GTPBP4: variants seen among roughly 807,000 people sequenced by gnomAD.
The protein encoded by GTPBP4 is GTP binding protein 4.
A neutral mutation model predicts 81.7 loss-of-function variants in GTPBP4; 15 were observed. That is an observed-to-expected ratio of 0.18 (90% CI 0.12 to 0.28). The LOEUF is 0.28. GTPBP4 is among the 10% of genes least tolerant of loss of function. The pLI is 1.00. For synonymous variants in GTPBP4, 272 were observed against 274.6 expected (o/e 0.99, Z 0.09); for missense variants, 847 against 793.8 (o/e 1.07, Z -0.81).
chr10:989,719 C>T (rs1831408505), intron 1 of GTPBP4, among the ~76,000 whole-genome samples: 1 of 152,198 alleles, frequency 6.6e-6, no homozygotes. Flanking sequence ...TGTTCTGGCA[C>T]ATCTCTTGAT....
chr10:1,006,021 C>T (rs1276963358), intron 9 of GTPBP4, 114 bp downstream of exon 9: 4 of 639,786 alleles, frequency 6.3e-6, no homozygotes, highest in Admixed American at 3.0e-5. Flanking sequence ...TTGGAGCCCT[C>T]GCAGTAGCGA....
At chr10:1,001,523 A>G (rs1469240970) in intron 8 of GTPBP4, among the ~76,000 whole-genome samples, 1 of 152,184 alleles carries the variant, frequency 6.6e-6, no homozygotes, top group Non-Finnish European at 1.5e-5. Flanking sequence ...TTTAATAGGC[A>G]TCCTTCATGA....
chr10:998,956 G>A, intron 5 of GTPBP4, 47 bp from the exon 6 acceptor site: 1 of 1,009,978 alleles, frequency 9.9e-7, no homozygotes, highest in Non-Finnish European at 1.6e-6. Flanking sequence ...GATCCCACGT[G>A]TACACAGAGG....
At chr10:1,001,934 T>A (rs1364370590) in intron 8 of GTPBP4, among the ~76,000 whole-genome samples, 1 of 151,524 alleles carries the variant, frequency 6.6e-6, no homozygotes, top group African/African-American at 2.4e-5. Context: ...TATTTTTGTT[T>A]TTTTTTTGAG....
At chr10:1,006,492 G>T (rs1831736698) in intron 9 of GTPBP4, among the ~76,000 whole-genome samples, 1 of 152,186 alleles carries the variant, frequency 6.6e-6, no homozygotes, top group Non-Finnish European at 1.5e-5. Context: ...TACAAAATTA[G>T]CCGGGCGTGG....
intron 10 of GTPBP4, chr10:1,008,208 T>G (rs1589029204): frequency 2.3e-6 from 1 of 444,430 alleles, no homozygotes; most frequent in East Asian, 7.0e-5. Context: ...AGGTCAAGAG[T>G]CTGAGACCAG....
At chr10:995,166 C>T (rs546057218) in intron 2 of GTPBP4, among the ~76,000 whole-genome samples, 4 of 152,050 alleles carry the variant, frequency 2.6e-5, no homozygotes, top group Admixed American at 6.6e-5. Context: ...AAAATGTAGA[C>T]GACATTTAAA....
chr10:1,007,363 A>G (rs1023844752), intron 10 of GTPBP4: 3 of 406,450 alleles, frequency 7.4e-6, no homozygotes, highest in Non-Finnish European at 1.3e-5. Context: ...TTATCCTTCC[A>G]GAAATGTTTC....
intron 15 of GTPBP4, among the ~76,000 whole-genome samples, chr10:1,015,221 T>C (rs1041830440): frequency 6.6e-5 from 10 of 152,262 alleles, no homozygotes; most frequent in African/African-American, 2.4e-4. Context: ...AAATTGTTAC[T>C]AATGTGAACT....
chr10:1,009,899 G>A (rs545594890), intron 12 of GTPBP4, among the ~76,000 whole-genome samples: 1 of 152,224 alleles, frequency 6.6e-6, no homozygotes, highest in Non-Finnish European at 1.5e-5. Context: ...GGAGGCTGAG[G>A]TGGGAGGATC....
rs888788575 is a variant in GTPBP4, at chr10:1,014,195, C to T, written c.1543-52C>T. ...ATATATATTGCCTTGAAGTTTTTTT[C>T]AACATTTCATCAAACTAATTTAAAG... On this transcript the variant is annotated intron_variant, in intron 14 of 16. Transcript: ENST00000360803. The T allele has an allele frequency of 3.4e-6, 4 of 1,176,704 alleles. No homozygotes were observed. In the South Asian group the frequency reaches 5.0e-5, roughly 15 times the overall value. The allele number at this position is 1,176,704 out of a possible 1,614,324, so 72.9% of individuals were successfully genotyped here.
chr10:989,478 T>G (rs1564464181), intron 1 of GTPBP4, among the ~76,000 whole-genome samples: 1 of 152,188 alleles, frequency 6.6e-6, no homozygotes. Context: ...GGGTCGCAAT[T>G]ACACAGACAT....
intron 8 of GTPBP4, among the ~76,000 whole-genome samples, chr10:1,003,719 C>T (rs372976330): frequency 9.1e-4 from 139 of 152,128 alleles, no homozygotes; most frequent in Non-Finnish European, 1.3e-3. Flanking sequence ...TTTGTGCCAG[C>T]GGTGGTGTAT....
Position 1,017,380 on chromosome 10 carries a change from A to T in GTPBP4, c.*153A>T. 1 of 639,478 alleles carries T rather than the reference A, an allele frequency of 1.6e-6. No individual in the cohort carries two copies. The highest frequency in any genetic ancestry group is 2.6e-6 in the Non-Finnish European group (1 of 389,056). The allele number at this position is 639,478 out of a possible 1,614,324, so 39.6% of individuals were successfully genotyped here. On this transcript the variant is annotated 3_prime_UTR_variant, in exon 17 of 17. Transcript: ENST00000360803. ...TTTGCTGAAAACTATGGTTAACCCT[A>T]TATAGGTGTGGGAAATTTTTGTCAC...
Position 1,007,001 on chromosome 10 carries a change from C to T in GTPBP4, c.1003-17C>T, listed in dbSNP as rs1831750421. 1.3e-6 allele frequency: 2 copies of T among 1,540,868 alleles called. No homozygotes were observed. The highest frequency in any genetic ancestry group is 1.8e-6 in the Non-Finnish European group (2 of 1,113,324). On this transcript the variant is annotated splice_polypyrimidine_tract_variant and intron_variant, in intron 9 of 16. Transcript: ENST00000360803. ...GAGGATGCGTTTGTGACTGTGCCTT[C>T]TTTTTTACGTTATTAGGCTTGCGAT...
chr10:997,356 C>A, intron 5 of GTPBP4, 48 bp downstream of exon 5: 1 of 1,006,304 alleles, frequency 9.9e-7, no homozygotes, highest in Non-Finnish European at 1.6e-6. Flanking sequence ...TATTTTACGT[C>A]AGTGTTACTG....
In GTPBP4 at chr10:992,500, C is replaced by T. The variant is rs61731091; in HGVS notation, c.60C>T (p.Asp20=). 1 of 1,593,870 alleles carries T rather than the reference C, an allele frequency of 6.3e-7. No individual in the cohort carries two copies. The highest frequency in any genetic ancestry group is 1.1e-5 in the South Asian group (1 of 90,390). ...TTCTTTAATTGCAGGACTTCATAGA[C>T]CTCACGTTGTCGAAGACTCAACGAA... The part of the protein sequence containing the change: ...TVVPSAKDFI[D]LTLSKTQRKT... The change falls in exon 2 of 17, where the codon GAC becomes GAT. Residue 20 remains aspartate (D), a synonymous_variant. Coordinates refer to ENST00000360803, the MANE Select transcript of GTPBP4 (RefSeq NM_012341.3).
rs1250344234 is a variant in GTPBP4, at chr10:1,017,065, C to T, written c.1753-10C>T. The T allele has an allele frequency of 6.3e-6, 10 of 1,597,106 alleles. No individual in the cohort carries two copies. The Admixed American group carries it at 1.1e-4, about 17-fold the overall frequency. On this transcript the variant is annotated splice_polypyrimidine_tract_variant and intron_variant, in intron 16 of 16. Transcript: ENST00000360803. Reference sequence around the variant, plus strand: ...AATGAACATACTTTATTTTTTTCTCCTCCTTTTAGATGGTGAAGAAAGCCA... The same window carrying T: ...AATGAACATACTTTATTTTTTTCTCTTCCTTTTAGATGGTGAAGAAAGCCA...
chr10:1,019,315 G>T lies in GTPBP4; in HGVS notation c.*2088G>T. 1.9e-6 allele frequency: 1 copy of T among 538,250 alleles called. No individual in the cohort carries two copies. Among genetic ancestry groups the T allele is most frequent in the Non-Finnish European group, 3.3e-6 (1 of 305,236 alleles). The allele number at this position is 538,250 out of a possible 1,614,324, so 33.3% of individuals were successfully genotyped here. ...TGTTAAATTTCCTCCCTGCAACCAG[G>T]CAGATGAGAAATATGGAAATAAGGA... is the stretch of plus-strand genomic sequence containing the variant. On this transcript the variant is annotated 3_prime_UTR_variant, in exon 17 of 17. Coordinates refer to ENST00000360803, the MANE Select transcript of GTPBP4 (RefSeq NM_012341.3).
Sources: allele counts gnomAD v4.1 joint callset (sites outside exome capture counted in the v4.1 genomes callset), GRCh38; gene constraint gnomAD v4.1.1; transcripts MANE v1.5; gene names NCBI Gene and HGNC (gene_info 2026-07-23, HGNC 2026-07-21).